Variants in BUB1 observed in about 807,000 individuals in gnomAD.
BUB1 encodes mitotic checkpoint serine/threonine-protein kinase BUB1.
BUB1 carries 84 observed loss-of-function variants against 135.2 expected under a neutral mutation model. The ratio of observed to expected loss-of-function variants is 0.62; its 90% CI spans 0.52 to 0.74. The LOEUF (loss-of-function observed/expected upper bound fraction) is 0.74, where lower values mean the gene tolerates loss of function less well. Ranked by LOEUF, BUB1 falls within the 30% of genes least tolerant of loss-of-function variation. The pLI is 0.00. For missense variants in BUB1, 1,162 were observed against 1,288.3 expected (o/e 0.90, Z 1.50); for synonymous variants, 403 against 434.4 (o/e 0.93, Z 0.90).
intron 19 of BUB1, among the ~76,000 whole-genome samples, chr2:110,644,862 G>T (rs1689603224): frequency 6.6e-6 from 1 of 152,018 alleles, no homozygotes; most frequent in African/African-American, 2.4e-5. Context: ...AAGCAAAAAA[G>T]ATTAGTTGTG....
intron 1 of BUB1, among the ~76,000 whole-genome samples, chr2:110,674,730 G>C (rs974010229): frequency 6.6e-6 from 1 of 152,206 alleles, no homozygotes; most frequent in African/African-American, 2.4e-5. Context: ...GAGGATCCAA[G>C]CATGGCACTG....
At chr2:110,651,968 A>C (rs1288857128) in intron 17 of BUB1, among the ~76,000 whole-genome samples, 1 of 152,068 alleles carries the variant, frequency 6.6e-6, no homozygotes, top group Non-Finnish European at 1.5e-5. Context: ...GTAACAATGA[A>C]ACTGCCTAAA....
At chr2:110,647,425 G>T (rs879399078) in intron 19 of BUB1, among the ~76,000 whole-genome samples, 1 of 152,072 alleles carries the variant, frequency 6.6e-6, no homozygotes, top group Non-Finnish European at 1.5e-5. Context: ...TACAAGGCTA[G>T]TTCAACACTT....
chr2:110,655,825 G>A lies in BUB1; in HGVS notation c.1790C>T (p.Pro597Leu). 1 of 1,613,998 alleles carries A rather than the reference G, an allele frequency of 6.2e-7. No homozygotes were observed. The highest frequency in any genetic ancestry group is 8.5e-7 in the Non-Finnish European group (1 of 1,179,936). The change falls in exon 16 of 25, where the codon CCA becomes CTA. Residue 597 changes from proline (P) to leucine (L), a missense_variant. Transcript: ENST00000302759. ...NKTLAPSPKS[P>L]GDFTSAAQLA... ...TTGTGCAGCAGATGTGAAGTCTCCT[G>A]GGCTCTTAGGACTGGGTGCCAGGGT... is the stretch of plus-strand genomic sequence containing the variant.
intron 16 of BUB1, among the ~76,000 whole-genome samples, chr2:110,654,373 G>A (rs1454432368): frequency 2.6e-5 from 4 of 151,972 alleles, no homozygotes; most frequent in African/African-American, 9.7e-5. Context: ...TCTATCTATA[G>A]ATAGGTAAAC....
intron 19 of BUB1, among the ~76,000 whole-genome samples, chr2:110,644,472 C>G (rs1452948756): frequency 7.0e-6 from 1 of 143,400 alleles, no homozygotes; most frequent in Non-Finnish European, 1.5e-5. Flanking sequence ...GAGCAAAACC[C>G]CGTCTCAAAA....
chr2:110,677,095 G>C (rs1363460520), intron 1 of BUB1, among the ~76,000 whole-genome samples: 7 of 152,116 alleles, frequency 4.6e-5, no homozygotes. Context: ...TAAATGCACT[G>C]TAATAGTAAA....
At chr2:110,676,747 T>C (rs1412086346) in intron 1 of BUB1, 1 of 152,162 alleles carries the variant, frequency 6.6e-6, no homozygotes, top group Admixed American at 6.5e-5. Flanking sequence ...AAAAAATGTA[T>C]ACAAACGTGC....
At chr2:110,649,156 C>CAT (rs1689717614) in intron 19 of BUB1, 78 bp downstream of exon 19, 6 of 1,421,946 alleles carry the variant, frequency 4.2e-6, no homozygotes, top group Non-Finnish European at 5.8e-6. Context: ...ATCACACACA[C>CAT]ACACACACAC....
At position 110,637,999 on chromosome 2, in the gene BUB1, C is replaced by T. The variant is rs760001777; in HGVS notation, c.3223G>A (p.Val1075Ile). ...KIRALRNRLIVLLLECKRSRK is the reference protein window; with the variant it reads ...KIRALRNRLIILLLECKRSRK The stretch of plus-strand genomic sequence containing the variant: ...GAACGCTTACATTCTAAGAGCAGTA[C>T]AATTAGCCTATTACGTAGGGCCCTA... Residue 1075 changes from valine (V) to isoleucine (I), a missense_variant, in exon 25 of 25, where the codon GTA becomes ATA. Val to Ile is a conservative substitution (Grantham distance 29). Coordinates refer to ENST00000302759, the MANE Select transcript of BUB1 (RefSeq NM_004336.5). The T allele has an allele frequency of 2.1e-5, 33 of 1,572,362 alleles. No individual in the cohort carries two copies. In the Admixed American group the frequency reaches 6.3e-4, roughly 30 times the overall value.
intron 19 of BUB1, 100 bp from the exon 20 acceptor site, chr2:110,642,334 T>G: frequency 1.4e-6 from 1 of 705,226 alleles, no homozygotes; most frequent in South Asian, 2.2e-5. Context: ...TTCTGTATAC[T>G]TCGCATCCAC....
chr2:110,654,256 C>T (rs558372619), intron 16 of BUB1, among the ~76,000 whole-genome samples: 2 of 151,818 alleles, frequency 1.3e-5, no homozygotes, highest in Non-Finnish European at 2.9e-5. Context: ...ATGTTGTAGT[C>T]AATTAGTTGA....
At position 110,672,824 on chromosome 2, in the gene BUB1, C is replaced by A. The variant is rs1228423107; in HGVS notation, c.259G>T (p.Glu87Ter). Residue 87 changes from glutamate to a stop codon, truncating the protein, a stop_gained, in exon 4 of 25, where the codon GAG (glutamate) becomes TAG (stop). Coordinates refer to ENST00000302759, the MANE Select transcript of BUB1 (RefSeq NM_004336.5). LOFTEE classifies it high-confidence loss of function. ...EYNSDLHQFF[E>*]FLYNHGIGTL... ...CCAATCCCATGGTTGTACAGAAACT[C>A]AAAAAATTGATGGAGGTCACTGTTG... 1.9e-6 allele frequency: 3 copies of A among 1,605,660 alleles called. No individual in the cohort carries two copies. The highest frequency in any genetic ancestry group is 2.2e-5 in the South Asian group (2 of 89,426).
In BUB1 at chr2:110,645,581, GTGTA is replaced by G. The variant is rs201959301; in HGVS notation, c.2348-3351_2348-3348del. ...TTATCAGCATAGAAAATGGCGTTAC[GTGTA>G]TGTGTGTGTGTGTGTGTGTGTGTGT... is the stretch of plus-strand genomic sequence containing the variant. On this transcript the variant is annotated intron_variant, in intron 19 of 24. Transcript: ENST00000302759. Among the ~76,000 whole-genome samples the G allele has an allele frequency of 7.3e-4, 105 of 144,756 alleles. 1 individual carries two copies. In the East Asian group the frequency reaches 0.02, roughly 28 times the overall value. 95.0% of individuals were successfully genotyped at this position (144,756 alleles called of 152,430 possible). A position where few individuals can be genotyped will look rare whatever the true frequency, so the allele number is the denominator to read the frequency against.
chr2:110,661,647 A>T lies in BUB1; in HGVS notation c.1152T>A (p.Pro384=). The T allele has an allele frequency of 6.2e-7, 1 of 1,614,214 alleles. No homozygotes were observed. The highest frequency in any genetic ancestry group is 8.5e-7 in the Non-Finnish European group (1 of 1,180,020). Residue 384 remains proline (P), a synonymous_variant, in exon 10 of 25, where the codon CCT becomes CCA. Coordinates refer to ENST00000302759, the MANE Select transcript of BUB1 (RefSeq NM_004336.5). ...CTGTCTGGGCTTTCAAAGGAACAGG[A>T]GGAGCAATGCTCTGGCTGGTGGCTG... ...VSPATSQSIA[P]PVPLKAQTVT... is the part of the protein sequence containing the mutation.
intron 4 of BUB1, among the ~76,000 whole-genome samples, chr2:110,671,312 G>C (rs1192727522): frequency 6.6e-6 from 1 of 152,160 alleles, no homozygotes; most frequent in African/African-American, 2.4e-5. Context: ...AATAGGGTTT[G>C]GGGAAAAATA....
rs1392790406 is a variant in BUB1 at position 110,667,526 on chromosome 2, T to C, written c.800A>G (p.Gln267Arg). ...AAATACAAGATTGCAAGTACCCCAT[T>C]GCTCATGCTTTCTCCGTTGATTGTA... is the stretch of plus-strand genomic sequence containing the variant. ...QKYNQRRKHE[Q>R]WVNEDRHYMK... Residue 267 changes from glutamine to arginine, a missense_variant, in exon 8 of 25, where the codon CAA (glutamine) becomes CGA (arginine). Physicochemically the swap from Gln to Arg is conservative, Grantham distance 43. Coordinates refer to ENST00000302759, the MANE Select transcript of BUB1 (RefSeq NM_004336.5). The C allele has an allele frequency of 8.7e-6, 14 of 1,610,804 alleles. No individual in the cohort carries two copies. Among genetic ancestry groups the C allele is most frequent in the Non-Finnish European group, 1.1e-5 (13 of 1,179,002 alleles).
intron 23 of BUB1, among the ~76,000 whole-genome samples, chr2:110,640,672 T>C (rs1446387473): frequency 1.3e-5 from 2 of 152,216 alleles, no homozygotes; most frequent in Non-Finnish European, 1.5e-5. Flanking sequence ...GGTCTCCCTG[T>C]TATCCCTGAT....
At chr2:110,643,685 G>A (rs1689563493) in intron 19 of BUB1, among the ~76,000 whole-genome samples, 1 of 152,140 alleles carries the variant, frequency 6.6e-6, no homozygotes, top group Admixed American at 6.5e-5. Context: ...TGTCACCCAG[G>A]CTAGAGTGCA....
Sources: gnomAD v4.1 joint callset for allele counts (sites outside exome capture counted in the v4.1 genomes callset) on GRCh38, gnomAD v4.1.1 for gene constraint, MANE v1.5 for transcripts, NCBI Gene and HGNC (gene_info 2026-07-23, HGNC 2026-07-21) for gene names.